NKAIN2: variants seen among roughly 807,000 people sequenced by gnomAD.
The protein encoded by NKAIN2 is sodium/potassium transporting ATPase interacting 2.
In NKAIN2, 14 loss-of-function variants were observed where a neutral mutation model predicts 32.6. The observed-to-expected ratio is 0.43, with a 90% CI of 0.28 to 0.67. NKAIN2 has a LOEUF of 0.67. Among genes scored for constraint, NKAIN2 ranks in the 30% least tolerant of loss-of-function variants. The pLI is 0.17. For missense variants in NKAIN2, 198 were observed against 258.3 expected, an observed-to-expected ratio of 0.77 and a Z score of 1.60; for synonymous variants, 80 against 87.2, an observed-to-expected ratio of 0.92 and a Z score of 0.46.
At chr6:123,959,078 A>T (rs1777725893) in intron 1 of NKAIN2, among the ~76,000 whole-genome samples, 1 of 152,164 alleles carries the variant, frequency 6.6e-6, no homozygotes, top group African/African-American at 2.4e-5. Context: ...AAGATGACAG[A>T]GGAAAGAGAG....
chr6:124,672,588 CAGTT>C (rs1222424524), intron 4 of NKAIN2, among the ~76,000 whole-genome samples: 2 of 151,922 alleles, frequency 1.3e-5, no homozygotes, highest in Admixed American at 1.3e-4. Context: ...AAAGAAAAGT[CAGTT>C]AGATTGATCA....
intron 2 of NKAIN2, among the ~76,000 whole-genome samples, chr6:124,335,162 A>G (rs1311698354): frequency 6.6e-6 from 1 of 152,198 alleles, no homozygotes; most frequent in Non-Finnish European, 1.5e-5. Flanking sequence ...TTAGATAGAA[A>G]TCTTTTTTAT....
chr6:124,147,198 C>T (rs1003486217), intron 1 of NKAIN2, among the ~76,000 whole-genome samples: 10 of 152,104 alleles, frequency 6.6e-5, no homozygotes, highest in African/African-American at 2.4e-4. Flanking sequence ...AGAAAATATT[C>T]TGATTTTTCC....
intron 3 of NKAIN2, among the ~76,000 whole-genome samples, chr6:124,650,529 T>A (rs1784331453): frequency 6.6e-6 from 1 of 152,142 alleles, no homozygotes. Context: ...TGCATCATAA[T>A]ATGGCAAAAG....
intron 1 of NKAIN2, among the ~76,000 whole-genome samples, chr6:124,093,301 A>G (rs970144901): frequency 6.6e-6 from 1 of 152,110 alleles, no homozygotes; most frequent in Non-Finnish European, 1.5e-5. Flanking sequence ...CATGCTGCCA[A>G]GATAATTGGG....
At chr6:124,570,232 T>G (rs1781075613) in intron 3 of NKAIN2, among the ~76,000 whole-genome samples, 1 of 152,148 alleles carries the variant, frequency 6.6e-6, no homozygotes, top group Admixed American at 6.5e-5. Flanking sequence ...AGCATAAAAG[T>G]TCAGAAAATT....
At chr6:124,133,439 T>C (rs1442285846) in intron 1 of NKAIN2, among the ~76,000 whole-genome samples, 2 of 152,122 alleles carry the variant, frequency 1.3e-5, no homozygotes, top group African/African-American at 4.8e-5. Context: ...GCACATCTAA[T>C]TGAGAGCTCC....
At chr6:123,952,459 T>G (rs765706267) in intron 1 of NKAIN2, among the ~76,000 whole-genome samples, 8 of 152,156 alleles carry the variant, frequency 5.3e-5, no homozygotes, top group Non-Finnish European at 1.2e-4. Flanking sequence ...TACAACGATT[T>G]TATTAAATAG....
intron 3 of NKAIN2, among the ~76,000 whole-genome samples, chr6:124,384,348 AG>A (rs1407118625): frequency 6.6e-6 from 1 of 152,126 alleles, no homozygotes; most frequent in African/African-American, 2.4e-5. Flanking sequence ...ATGAGCAAGG[AG>A]TTGAGAAGTA....
intron 3 of NKAIN2, among the ~76,000 whole-genome samples, chr6:124,606,751 A>T (rs949856362): frequency 1.3e-5 from 2 of 152,172 alleles, no homozygotes; most frequent in Non-Finnish European, 2.9e-5. Flanking sequence ...ATTAAGTAGC[A>T]TCTATACTGA....
At chr6:123,824,844 C>T (rs147308747) in intron 1 of NKAIN2, among the ~76,000 whole-genome samples, 16 of 152,156 alleles carry the variant, frequency 1.1e-4, no homozygotes, top group African/African-American at 3.4e-4. Context: ...ACCAGGCAAC[C>T]TTTTTGCTTT....
chr6:124,701,637 C>A (rs895950423), intron 4 of NKAIN2, among the ~76,000 whole-genome samples: 1 of 151,960 alleles, frequency 6.6e-6, no homozygotes, highest in Non-Finnish European at 1.5e-5. Context: ...AGAAGCATGA[C>A]AATAGATATA....
At chr6:124,080,755 T>C (rs1317547683) in intron 1 of NKAIN2, among the ~76,000 whole-genome samples, 1 of 152,064 alleles carries the variant, frequency 6.6e-6, no homozygotes, top group Non-Finnish European at 1.5e-5. Context: ...CTCCAAGATC[T>C]TTATAGAAGG....
chr6:124,116,303 T>A (rs2114980061), intron 1 of NKAIN2, among the ~76,000 whole-genome samples: 1 of 152,218 alleles, frequency 6.6e-6, no homozygotes, highest in East Asian at 1.9e-4. Flanking sequence ...GTAAAGTAGT[T>A]CACACACTTG....
intron 1 of NKAIN2, among the ~76,000 whole-genome samples, chr6:123,935,647 T>G (rs1011460884): frequency 2.0e-5 from 3 of 152,106 alleles, no homozygotes; most frequent in African/African-American, 7.2e-5. Context: ...ACTATACTAA[T>G]TTTAGAAAAA....
At chr6:124,029,178 C>A (rs1416452279) in intron 1 of NKAIN2, among the ~76,000 whole-genome samples, 3 of 151,584 alleles carry the variant, frequency 2.0e-5, no homozygotes, top group African/African-American at 4.8e-5. Context: ...ATTATTTCTA[C>A]TATTGTTTAA....
intron 1 of NKAIN2, among the ~76,000 whole-genome samples, chr6:124,246,214 A>G (rs933029688): frequency 2.6e-5 from 4 of 152,098 alleles, no homozygotes; most frequent in African/African-American, 9.7e-5. Flanking sequence ...TTCTTACTGC[A>G]GTTCTTTCCC....
At chr6:124,670,358 T>C (rs1056232480) in intron 4 of NKAIN2, among the ~76,000 whole-genome samples, 4 of 152,032 alleles carry the variant, frequency 2.6e-5, no homozygotes, top group Admixed American at 1.3e-4. Context: ...CATATAAACA[T>C]TGGAATTTTC....
intron 1 of NKAIN2, among the ~76,000 whole-genome samples, chr6:124,242,442 G>A (rs1044431692): frequency 6.6e-6 from 1 of 152,152 alleles, no homozygotes; most frequent in Non-Finnish European, 1.5e-5. Flanking sequence ...TTATGCTGTT[G>A]GTGGGAGTGT....
Sources: allele counts gnomAD v4.1 joint callset (sites outside exome capture counted in the v4.1 genomes callset), GRCh38; gene constraint gnomAD v4.1.1; transcripts MANE v1.5; gene names NCBI Gene and HGNC (gene_info 2026-07-23, HGNC 2026-07-21).